The following MCPH1 variants were observed in gnomAD, a reference collection of about 807,000 sequenced individuals.
The protein encoded by MCPH1 is microcephalin 1.
A neutral mutation model predicts 84.5 loss-of-function variants in MCPH1; 104 were observed. The observed-to-expected ratio is 1.23, with a 90% CI of 1.05 to 1.45. The LOEUF is 1.45. Among genes scored for constraint, MCPH1 ranks in the 40% most tolerant of loss-of-function variants. The pLI is 0.00. For missense variants in MCPH1, 1,498 were observed against 1,005.7 expected (o/e 1.49, Z -6.62); for synonymous variants, 514 against 366.8 (o/e 1.40, Z -4.58).
chr8:6,422,329 GA>G (rs958359571), intron 3 of MCPH1, among the ~76,000 whole-genome samples: 1 of 92,850 alleles, frequency 1.1e-5, no homozygotes, highest in Non-Finnish European at 2.9e-5. Context: ...TATCATGGGG[GA>G]AAATGATTTG....
intron 12 of MCPH1, among the ~76,000 whole-genome samples, chr8:6,604,986 G>T (rs1306163075): frequency 6.6e-6 from 1 of 152,144 alleles, no homozygotes; most frequent in East Asian, 1.9e-4. Context: ...AAATTGTTCG[G>T]TGCCATCCCT....
At chr8:6,414,659 C>G (rs1408726650) in intron 2 of MCPH1, 106 bp from the exon 3 acceptor site, 27 of 1,244,152 alleles carry the variant, frequency 2.2e-5, no homozygotes, top group Non-Finnish European at 2.9e-5. Context: ...GTTTCTCTGT[C>G]AGATGTTGAG....
At chr8:6,409,776 G>A (rs1256506339) in intron 2 of MCPH1, among the ~76,000 whole-genome samples, 7 of 152,144 alleles carry the variant, frequency 4.6e-5, no homozygotes, top group Admixed American at 4.6e-4. Flanking sequence ...GATGATCTAG[G>A]GGGTCAGGAC....
intron 3 of MCPH1, among the ~76,000 whole-genome samples, chr8:6,424,103 A>G (rs889096471): frequency 2.0e-5 from 3 of 152,152 alleles, no homozygotes; most frequent in Non-Finnish European, 4.4e-5. Context: ...CTAGAATCCC[A>G]TTCTGTTGGG....
chr8:6,412,388 C>T (rs943967810), intron 2 of MCPH1, among the ~76,000 whole-genome samples: 12 of 152,182 alleles, frequency 7.9e-5, no homozygotes, highest in African/African-American at 2.9e-4. Flanking sequence ...TTGGTTTCAC[C>T]TTTTATTTCA....
chr8:6,621,713 C>T lies in MCPH1; in HGVS notation c.2452+22C>T, dbSNP rs199701081. On this transcript the variant is annotated intron_variant, in intron 13 of 13. Transcript: ENST00000344683. Reference sequence around the variant, plus strand: ...TTAGGTAAGAATCCAGGCACACAGACGCTGTGGTGTGGTCCAGATCTGTGG... The same window carrying T: ...TTAGGTAAGAATCCAGGCACACAGATGCTGTGGTGTGGTCCAGATCTGTGG... The T allele has an allele frequency of 7.2e-4, 1,165 of 1,613,948 alleles. 2 individuals carry two copies. The highest frequency in any genetic ancestry group is 1.8e-3 in the African/African-American group (137 of 75,066).
chr8:6,610,288 C>G (rs940352797), intron 12 of MCPH1, among the ~76,000 whole-genome samples: 1 of 152,202 alleles, frequency 6.6e-6, no homozygotes, highest in South Asian at 2.1e-4. Flanking sequence ...CACGAGCCAC[C>G]TTGATTTTAG....
rs531825909 is a variant in MCPH1, at chr8:6,626,693, C to G, written c.2452+5002C>G. ...CATATAATTCCCATTTTATAAGTCA[C>G]GAAACGAAGACCCTGGGGTCTGAAG... On this transcript the variant is annotated intron_variant, in intron 13 of 13. Coordinates refer to ENST00000344683, the MANE Select transcript of MCPH1 (RefSeq NM_024596.5). The G allele has an allele frequency of 4.1e-5, 40 of 985,082 alleles. No homozygotes were observed. The South Asian group carries it at 1.4e-3, about 34-fold the overall frequency. 61.0% of individuals were successfully genotyped at this position (985,082 alleles called of 1,614,324 possible).
In MCPH1 at chr8:6,609,745, C is replaced by T. The variant is rs999255187; in HGVS notation, c.2215-11709C>T. ...GAGCCACTTCTCATTTCCCAGGCCT[C>T]GCCTGCCATGCTCTTTGACAACATC... On this transcript the variant is annotated intron_variant, in intron 12 of 13. Coordinates refer to ENST00000344683, the MANE Select transcript of MCPH1 (RefSeq NM_024596.5). Among the ~76,000 whole-genome samples, 15 of 151,866 alleles carry T rather than the reference C, an allele frequency of 9.9e-5. 1 individual carries two copies. The highest frequency in any genetic ancestry group is 3.1e-4 in the African/African-American group (13 of 41,384).
intron 9 of MCPH1, among the ~76,000 whole-genome samples, chr8:6,476,845 TTATATA>T (rs1416902835): frequency 1.3e-5 from 2 of 152,304 alleles, no homozygotes; most frequent in South Asian, 4.1e-4. Context: ...TCATTTTTGT[TTATATA>T]TGTATATGCA....
At chr8:6,486,421 A>G (rs1355388490) in intron 11 of MCPH1, among the ~76,000 whole-genome samples, 2 of 152,100 alleles carry the variant, frequency 1.3e-5, no homozygotes, top group African/African-American at 4.8e-5. Flanking sequence ...AACACTGCTG[A>G]GCATGTTTTT....
chr8:6,472,924 AG>A (rs2129558752), intron 9 of MCPH1, among the ~76,000 whole-genome samples: 1 of 152,338 alleles, frequency 6.6e-6, no homozygotes, highest in South Asian at 2.1e-4. Context: ...TGACTGTAAA[AG>A]GTTTTAAAAG....
At chr8:6,584,397 A>G (rs1001787089) in intron 12 of MCPH1, among the ~76,000 whole-genome samples, 1 of 152,232 alleles carries the variant, frequency 6.6e-6, no homozygotes, top group Non-Finnish European at 1.5e-5. Flanking sequence ...ATACCAACTG[A>G]TTTAAAAGGA....
In MCPH1 at chr8:6,538,290, G is replaced by A. The variant is rs192788455; in HGVS notation, c.2214+38361G>A. 6.1e-4 allele frequency among the ~76,000 whole-genome samples: 93 copies of A among 152,058 alleles called. 1 individual carries two copies. The highest frequency in any genetic ancestry group is 3.1e-3 in the Admixed American group (47 of 15,272). On this transcript the variant is annotated intron_variant, in intron 12 of 13. Coordinates refer to ENST00000344683, the MANE Select transcript of MCPH1 (RefSeq NM_024596.5). ...ATCTGTCTTACACACACACATACAC[G>A]TTTTCTACCCCCCATGATCCCATCT... is the stretch of plus-strand genomic sequence containing the variant.
chr8:6,617,183 T>C (rs140807820), intron 12 of MCPH1: 4 of 151,150 alleles, frequency 2.6e-5, no homozygotes, highest in East Asian at 1.9e-4. Flanking sequence ...GAACCAGTTA[T>C]AGCATTTGAG....
At chr8:6,450,416 C>T (rs1477913968) in intron 8 of MCPH1, among the ~76,000 whole-genome samples, 1 of 151,310 alleles carries the variant, frequency 6.6e-6, no homozygotes, top group African/African-American at 2.4e-5. Flanking sequence ...GCACTCAGCA[C>T]CAGACCATCG....
intron 3 of MCPH1, among the ~76,000 whole-genome samples, chr8:6,427,391 AG>A (rs1487315419): frequency 6.6e-6 from 1 of 152,190 alleles, no homozygotes; most frequent in Non-Finnish European, 1.5e-5. Context: ...GTTTTTTTAA[AG>A]ACAAGGTCTT....
At chr8:6,543,402 G>C (rs1174335279) in intron 12 of MCPH1, among the ~76,000 whole-genome samples, 1 of 152,204 alleles carries the variant, frequency 6.6e-6, no homozygotes, top group Non-Finnish European at 1.5e-5. Flanking sequence ...GTGCTTTCCT[G>C]GGTTAGAGTA....
chr8:6,611,112 ACTCT>A (rs997299256), intron 12 of MCPH1, among the ~76,000 whole-genome samples: 3 of 142,446 alleles, frequency 2.1e-5, no homozygotes, highest in African/African-American at 5.7e-5. Context: ...ATACACACAC[ACTCT>A]CTCACACACA....
Sources: allele counts gnomAD v4.1 joint callset (sites outside exome capture counted in the v4.1 genomes callset), GRCh38; gene constraint gnomAD v4.1.1; transcripts MANE v1.5; gene names NCBI Gene and HGNC (gene_info 2026-07-23, HGNC 2026-07-21).